MAGI2: variants seen among roughly 807,000 people sequenced by gnomAD.
MAGI2 encodes the protein membrane-associated guanylate kinase, WW and PDZ domain-containing protein 2.
MAGI2 carries 35 observed loss-of-function variants against 133.3 expected under a neutral mutation model. The observed-to-expected ratio is 0.26, with a 90% confidence interval of 0.20 to 0.35. The LOEUF is 0.35. Ranked by LOEUF, MAGI2 falls within the 10% of genes least tolerant of loss-of-function variation. The probability of loss-of-function intolerance (pLI) is 1.00; values close to 1 mark genes in which losing one functional copy is unlikely to be tolerated. For missense variants in MAGI2, 1,636 were observed against 1,863.4 expected, an observed-to-expected ratio of 0.88 and a Z score of 2.25; for synonymous variants, 729 against 710.6, an observed-to-expected ratio of 1.03 and a Z score of -0.41.
intron 1 of MAGI2, among the ~76,000 whole-genome samples, chr7:79,167,439 T>C (rs921362580): frequency 1.8e-5 from 2 of 112,966 alleles, no homozygotes; most frequent in Admixed American, 8.4e-5. Context: ...AACATCAAAA[T>C]AAAAAAGTAA....
chr7:78,298,185 C>T (rs1797480307), intron 9 of MAGI2, among the ~76,000 whole-genome samples: 2 of 152,026 alleles, frequency 1.3e-5, no homozygotes, highest in South Asian at 4.2e-4. Flanking sequence ...TACAAAATTC[C>T]TGAACAGTAC....
intron 3 of MAGI2, among the ~76,000 whole-genome samples, chr7:78,581,637 T>G (rs1802847431): frequency 6.6e-6 from 1 of 152,210 alleles, no homozygotes; most frequent in South Asian, 2.1e-4. Flanking sequence ...AGAAATATCT[T>G]TCTCTCTCAT....
At chr7:78,941,728 T>TCACACA (rs3068585) in intron 2 of MAGI2, among the ~76,000 whole-genome samples, 6,428 of 123,114 alleles carry the variant, frequency 0.052, 284 homozygotes, top group African/African-American at 0.1. Context: ...GCCTATTTCA[T>TCACACA]CACACACACA....
At chr7:78,258,755 C>T (rs1793245481) in intron 9 of MAGI2, among the ~76,000 whole-genome samples, 1 of 152,098 alleles carries the variant, frequency 6.6e-6, no homozygotes, top group African/African-American at 2.4e-5. Context: ...TATTTTGATA[C>T]TTGTGCCTCT....
At chr7:78,311,762 T>A (rs1287468818) in intron 9 of MAGI2, among the ~76,000 whole-genome samples, 1 of 151,988 alleles carries the variant, frequency 6.6e-6, no homozygotes, top group Non-Finnish European at 1.5e-5. Context: ...CTTATGACAC[T>A]TTCACAAATT....
At chr7:78,592,437 CA>C (rs1295895412) in intron 3 of MAGI2, among the ~76,000 whole-genome samples, 2 of 150,908 alleles carry the variant, frequency 1.3e-5, no homozygotes, top group Non-Finnish European at 2.9e-5. Flanking sequence ...CCTGGGTTAG[CA>C]CAAAAGCAGC....
intron 2 of MAGI2, among the ~76,000 whole-genome samples, chr7:78,937,653 C>G (rs1051673343): frequency 6.6e-6 from 1 of 152,102 alleles, no homozygotes; most frequent in African/African-American, 2.4e-5. Flanking sequence ...GGAATTATCA[C>G]AAGCCAGTGG....
intron 6 of MAGI2, among the ~76,000 whole-genome samples, chr7:78,458,294 C>CAAAAAAAAAAAAA (rs11380893): frequency 1.2e-4 from 13 of 112,996 alleles, no homozygotes; most frequent in Non-Finnish European, 1.6e-4. Flanking sequence ...AACTCGGTCT[C>CAAAAAAAAAAAAA]AAAAAAAAAA....
chr7:78,107,031 T>C (rs2150449474), intron 20 of MAGI2, among the ~76,000 whole-genome samples: 1 of 152,330 alleles, frequency 6.6e-6, no homozygotes, highest in South Asian at 2.1e-4. Context: ...TTGATTTTTG[T>C]ATATGGCAAA....
chr7:79,028,588 G>C (rs1423790682), intron 1 of MAGI2, among the ~76,000 whole-genome samples: 2 of 151,804 alleles, frequency 1.3e-5, no homozygotes, highest in Non-Finnish European at 2.9e-5. Context: ...TCAGGGGCTA[G>C]CACAAATACT....
In MAGI2 at chr7:79,366,860, G is replaced by A. The variant is rs117368313; in HGVS notation, c.301+86160C>T. Reference sequence around the variant, plus strand: ...ATGATGTTGGGTAAAACACATACAAGCAGATAATTAATTCCTAATACATAA... The same window carrying A: ...ATGATGTTGGGTAAAACACATACAAACAGATAATTAATTCCTAATACATAA... On this transcript the variant is annotated intron_variant, in intron 1 of 21. Coordinates refer to ENST00000354212, the MANE Select transcript of MAGI2 (RefSeq NM_012301.4). Among the ~76,000 whole-genome samples the A allele has an allele frequency of 2.6e-3, 393 of 152,168 alleles. 1 individual carries two copies. Among genetic ancestry groups the A allele is most frequent in the Non-Finnish European group, 4.7e-3 (322 of 67,998 alleles).
chr7:78,320,103 T>C (rs1215077646), intron 9 of MAGI2, among the ~76,000 whole-genome samples: 1 of 152,140 alleles, frequency 6.6e-6, no homozygotes, highest in Non-Finnish European at 1.5e-5. Context: ...AATAGATCAA[T>C]AACAAGTTCT....
At chr7:78,909,075 T>C (rs1798191461) in intron 2 of MAGI2, among the ~76,000 whole-genome samples, 1 of 146,802 alleles carries the variant, frequency 6.8e-6, no homozygotes, top group Non-Finnish European at 1.5e-5. Context: ...CTGACAAAGG[T>C]CTAATATCCA....
At chr7:78,915,680 A>G (rs1489955448) in intron 2 of MAGI2, among the ~76,000 whole-genome samples, 2 of 151,952 alleles carry the variant, frequency 1.3e-5, no homozygotes, top group Non-Finnish European at 2.9e-5. Context: ...GTTTTACAGA[A>G]GAGTACACTT....
At chr7:79,217,962 C>A (rs1443701316) in intron 1 of MAGI2, among the ~76,000 whole-genome samples, 2 of 151,834 alleles carry the variant, frequency 1.3e-5, no homozygotes, top group African/African-American at 2.4e-5. Context: ...TTACTGTGAA[C>A]AACATGCACG....
At chr7:78,154,499 C>T (rs1170363589) in intron 16 of MAGI2, among the ~76,000 whole-genome samples, 1 of 152,198 alleles carries the variant, frequency 6.6e-6, no homozygotes, top group Non-Finnish European at 1.5e-5. Flanking sequence ...GTTTGTTCCC[C>T]TACTGCTGAC....
At chr7:78,482,961 A>G (rs917429004) in intron 6 of MAGI2, among the ~76,000 whole-genome samples, 7 of 151,408 alleles carry the variant, frequency 4.6e-5, no homozygotes, top group African/African-American at 1.5e-4. Flanking sequence ...GATCTTGTAT[A>G]TATGTACTTG....
At chr7:79,198,059 C>A (rs547856181) in intron 1 of MAGI2, among the ~76,000 whole-genome samples, 78 of 151,700 alleles carry the variant, frequency 5.1e-4, no homozygotes, top group South Asian at 2.7e-3. Flanking sequence ...GCAGCCTGGG[C>A]AATATAGTGA....
intron 1 of MAGI2, among the ~76,000 whole-genome samples, chr7:79,015,629 CT>C (rs1471519526): frequency 2.6e-5 from 4 of 152,092 alleles, no homozygotes; most frequent in Non-Finnish European, 5.9e-5. Flanking sequence ...ATGATTTGAA[CT>C]GCTACAAGAC....
Sources: allele counts gnomAD v4.1 joint callset (sites outside exome capture counted in the v4.1 genomes callset), GRCh38; gene constraint gnomAD v4.1.1; transcripts MANE v1.5; gene names NCBI Gene and HGNC (gene_info 2026-07-23, HGNC 2026-07-21).